The following MYO1D variants were observed in gnomAD, a reference collection of about 807,000 sequenced individuals.
The protein encoded by MYO1D is myosin ID.
In MYO1D, 83 loss-of-function variants were observed where a neutral mutation model predicts 122.0. That is an observed-to-expected ratio of 0.68 (90% CI 0.57 to 0.82). MYO1D has a LOEUF of 0.82. Among genes scored for constraint, MYO1D ranks in the 40% least tolerant of loss-of-function variants. MYO1D has a pLI of 0.00. For synonymous variants in MYO1D, 464 were observed against 446.9 expected, an observed-to-expected ratio of 1.04 and a Z score of -0.48; for missense variants, 1,157 against 1,269.5, an observed-to-expected ratio of 0.91 and a Z score of 1.35.
intron 1 of MYO1D, among the ~76,000 whole-genome samples, chr17:32,797,733 G>A (rs758100389): frequency 4.6e-5 from 7 of 152,152 alleles, no homozygotes; most frequent in African/African-American, 1.4e-4. Context: ...TATTGTAGTC[G>A]TGACAAGAGA....
At chr17:32,669,186 G>T (rs2088676630) in intron 16 of MYO1D, among the ~76,000 whole-genome samples, 1 of 152,130 alleles carries the variant, frequency 6.6e-6, no homozygotes, top group Admixed American at 6.5e-5. Flanking sequence ...GTAGATGTGG[G>T]AAAAGCTCTC....
chr17:32,782,934 T>TAAAA (rs5819996), intron 1 of MYO1D, among the ~76,000 whole-genome samples: 1 of 147,180 alleles, frequency 6.8e-6, no homozygotes, highest in Non-Finnish European at 1.5e-5. Context: ...GACTCCATCT[T>TAAAA]AAAAAAAAAA....
At position 32,706,075 on chromosome 17, in the gene MYO1D, A is replaced by G. The variant is rs527447916; in HGVS notation, c.2121+5913T>C. Among the ~76,000 whole-genome samples, 18 of 152,304 alleles carry G rather than the reference A, an allele frequency of 1.2e-4. No homozygotes were observed. In the South Asian group the frequency reaches 1.7e-3, roughly 14 times the overall value. Reference sequence around the variant, plus strand: ...GCATGAGAACAGACTAATACAGTCAACATTCTTGACTGAACCTTCTACAAC... The same window carrying G: ...GCATGAGAACAGACTAATACAGTCAGCATTCTTGACTGAACCTTCTACAAC... On this transcript the variant is annotated intron_variant, in intron 16 of 21. Coordinates refer to ENST00000318217, the MANE Select transcript of MYO1D (RefSeq NM_015194.3).
At chr17:32,643,391 TG>T (rs1401491657) in intron 19 of MYO1D, among the ~76,000 whole-genome samples, 3 of 152,166 alleles carry the variant, frequency 2.0e-5, no homozygotes, top group Non-Finnish European at 4.4e-5. Context: ...TCTCTTTTTT[TG>T]TTGTGTCTCT....
chr17:32,536,160 A>C (rs1177484754), intron 21 of MYO1D, among the ~76,000 whole-genome samples: 1 of 151,910 alleles, frequency 6.6e-6, no homozygotes, highest in East Asian at 1.9e-4. Context: ...AGCCTCCCGG[A>C]GTAGCTGGGA....
At chr17:32,608,257 A>G (rs905535309) in intron 20 of MYO1D, among the ~76,000 whole-genome samples, 1 of 152,254 alleles carries the variant, frequency 6.6e-6, no homozygotes, top group Admixed American at 6.5e-5. Context: ...ACTTGTATTT[A>G]GAATCTATAA....
At chr17:32,639,426 T>C (rs2088160446) in intron 19 of MYO1D, among the ~76,000 whole-genome samples, 1 of 149,814 alleles carries the variant, frequency 6.7e-6, no homozygotes, top group African/African-American at 2.5e-5. Context: ...GCTACTTTAT[T>C]AGACAGAGGG....
intron 16 of MYO1D, among the ~76,000 whole-genome samples, chr17:32,673,869 A>C (rs2088763188): frequency 6.6e-6 from 1 of 152,208 alleles, no homozygotes; most frequent in East Asian, 1.9e-4. Flanking sequence ...TAAATTGAAA[A>C]TATTTTTGTA....
chr17:32,502,402 C>T (rs566598290), intron 21 of MYO1D, among the ~76,000 whole-genome samples: 15 of 151,972 alleles, frequency 9.9e-5, no homozygotes, highest in Admixed American at 3.3e-4. Flanking sequence ...CCAAGGGCTG[C>T]GGGGAGTGGG....
intron 15 of MYO1D, 116 bp from the exon 16 acceptor site, chr17:32,712,311 A>G (rs1432325732): frequency 4.6e-6 from 4 of 875,422 alleles, no homozygotes; most frequent in Admixed American, 2.4e-5. Flanking sequence ...CAAACTATCA[A>G]TAGAATTTCA....
intron 16 of MYO1D, among the ~76,000 whole-genome samples, chr17:32,662,998 AG>A (rs2088590293): frequency 6.6e-6 from 1 of 150,562 alleles, no homozygotes; most frequent in African/African-American, 2.4e-5. Flanking sequence ...GCTCACTGCA[AG>A]CTCCACCTCC....
At chr17:32,660,216 T>G (rs1462579153) in intron 16 of MYO1D, among the ~76,000 whole-genome samples, 1 of 152,216 alleles carries the variant, frequency 6.6e-6, no homozygotes, top group Admixed American at 6.5e-5. Context: ...TTCGATGAAC[T>G]CCTTGTACAC....
chr17:32,513,450 GT>G (rs1048359448), intron 21 of MYO1D, among the ~76,000 whole-genome samples: 16 of 152,134 alleles, frequency 1.1e-4, no homozygotes, highest in African/African-American at 3.6e-4. Flanking sequence ...GAATGAGTTT[GT>G]TTTTTGGACA....
At chr17:32,633,585 T>G (rs1461185497) in intron 20 of MYO1D, among the ~76,000 whole-genome samples, 2 of 152,104 alleles carry the variant, frequency 1.3e-5, no homozygotes, top group African/African-American at 2.4e-5. Flanking sequence ...ATAACATGCA[T>G]GCCCTAGAGT....
chr17:32,691,537 G>A (rs1444144887), intron 16 of MYO1D, among the ~76,000 whole-genome samples: 1 of 150,860 alleles, frequency 6.6e-6, no homozygotes, highest in African/African-American at 2.4e-5. Context: ...CTCCCGAGTT[G>A]CTGGGATTAC....
In MYO1D at chr17:32,832,279, T is replaced by C. The variant is rs141695185; in HGVS notation, c.95+44499A>G. Among the ~76,000 whole-genome samples, 215 of 151,426 alleles carry C rather than the reference T, an allele frequency of 1.4e-3. 3 individuals are homozygous for C. In the East Asian group the frequency reaches 0.034, roughly 24 times the overall value. ...GGCACGCACCACCACACCTGACTAATTTTTTTCTTTCTTCTTTTTTTTTTT... is the reference window on the plus strand; with the variant it reads ...GGCACGCACCACCACACCTGACTAACTTTTTTCTTTCTTCTTTTTTTTTTT... On this transcript the variant is annotated intron_variant, in intron 1 of 21. Transcript: ENST00000318217.
chr17:32,837,207 T>C (rs28488110), intron 1 of MYO1D, among the ~76,000 whole-genome samples: 2,583 of 151,842 alleles, frequency 0.017, 73 homozygotes, highest in African/African-American at 0.057. Flanking sequence ...ACTTTTTAAA[T>C]GTTTATTGAT....
At chr17:32,757,247 G>GT (rs2089957800) in intron 10 of MYO1D, among the ~76,000 whole-genome samples, 2 of 151,960 alleles carry the variant, frequency 1.3e-5, no homozygotes, top group Admixed American at 1.3e-4. Flanking sequence ...TTTTTACTTT[G>GT]TTTTTTATAC....
intron 1 of MYO1D, among the ~76,000 whole-genome samples, chr17:32,785,084 A>G (rs2090280153): frequency 6.6e-6 from 1 of 152,190 alleles, no homozygotes; most frequent in Non-Finnish European, 1.5e-5. Flanking sequence ...TGAGGAAAGG[A>G]AAATTGGAGT....
Sources: allele counts gnomAD v4.1 joint callset (sites outside exome capture counted in the v4.1 genomes callset), GRCh38; gene constraint gnomAD v4.1.1; transcripts MANE v1.5; gene names NCBI Gene and HGNC (gene_info 2026-07-23, HGNC 2026-07-21).